Variants in TNS1 observed in about 807,000 individuals in gnomAD.
TNS1 encodes tensin-1.
A neutral mutation model predicts 168.6 loss-of-function variants in TNS1; 62 were observed. The observed-to-expected ratio is 0.37, with a 90% CI of 0.30 to 0.45. The LOEUF is 0.45. Among genes scored for constraint, TNS1 ranks in the 20% least tolerant of loss-of-function variants. TNS1 has a pLI of 1.00. For synonymous variants in TNS1, 934 were observed against 933.2 expected, an observed-to-expected ratio of 1.00 and a Z score of -0.02; for missense variants, 2,240 against 2,339.4, an observed-to-expected ratio of 0.96 and a Z score of 0.88.
At chr2:217,984,816 C>T (rs181875471) in intron 2 of TNS1, among the ~76,000 whole-genome samples, 2 of 150,084 alleles carry the variant, frequency 1.3e-5, no homozygotes, top group East Asian at 3.9e-4. Context: ...AGTGCATTGG[C>T]ATGTTCTCGG....
chr2:217,881,953 A>G (rs1181054220), intron 17 of TNS1: 1 of 168,756 alleles, frequency 5.9e-6, no homozygotes, highest in Non-Finnish European at 1.3e-5. Context: ...CTTCAAGGTT[A>G]TTATTAAACC....
intron 21 of TNS1, among the ~76,000 whole-genome samples, chr2:217,831,838 G>A (rs887604102): frequency 4.7e-4 from 72 of 152,212 alleles, no homozygotes; most frequent in African/African-American, 1.7e-3. Context: ...GCTTCTCGCT[G>A]CAGTCCCTTT....
At chr2:217,927,187 G>A (rs1438528974) in intron 3 of TNS1, among the ~76,000 whole-genome samples, 1 of 152,198 alleles carries the variant, frequency 6.6e-6, no homozygotes, top group African/African-American at 2.4e-5. Flanking sequence ...GTAGAGATGG[G>A]GAAAGGACAT....
chr2:217,973,402 G>A (rs941145944), intron 3 of TNS1, among the ~76,000 whole-genome samples: 3 of 147,972 alleles, frequency 2.0e-5, no homozygotes, highest in Non-Finnish European at 4.5e-5. Context: ...TGGAAGACAA[G>A]TCCTGGGCCA....
intron 22 of TNS1, among the ~76,000 whole-genome samples, chr2:217,829,217 A>C (rs1188085646): frequency 8.0e-5 from 3 of 37,652 alleles, no homozygotes; most frequent in Admixed American, 5.9e-4. Context: ...CTCTACTAAA[A>C]ATACAAAAAA....
intron 1 of TNS1, among the ~76,000 whole-genome samples, chr2:217,992,070 C>T (rs77194051): frequency 6.6e-6 from 1 of 152,026 alleles, no homozygotes; most frequent in Non-Finnish European, 1.5e-5. Context: ...TGGGAACATG[C>T]TCTAAGATGC....
intron 32 of TNS1, among the ~76,000 whole-genome samples, chr2:217,805,710 C>T (rs1411157328): frequency 8.6e-6 from 1 of 116,882 alleles, no homozygotes; most frequent in Non-Finnish European, 1.9e-5. Flanking sequence ...CACATGCATA[C>T]ACCACACACA....
intron 3 of TNS1, among the ~76,000 whole-genome samples, chr2:217,946,081 G>A (rs2125960145): frequency 6.6e-6 from 1 of 152,326 alleles, no homozygotes; most frequent in South Asian, 2.1e-4. Context: ...AAGCTCTGCA[G>A]TGGAACATCC....
intron 18 of TNS1, among the ~76,000 whole-genome samples, chr2:217,855,040 C>T (rs1947960418): frequency 6.6e-6 from 1 of 152,214 alleles, no homozygotes; most frequent in South Asian, 2.1e-4. Context: ...AGCTAAGGCT[C>T]TTAAGCTAGA....
At chr2:217,887,036 A>G (rs954312925) in intron 12 of TNS1, among the ~76,000 whole-genome samples, 3 of 152,078 alleles carry the variant, frequency 2.0e-5, no homozygotes, top group African/African-American at 7.2e-5. Flanking sequence ...CCCAACCACC[A>G]AACAGCTCTG....
intron 18 of TNS1, among the ~76,000 whole-genome samples, chr2:217,874,926 G>A (rs1015769683): frequency 3.9e-5 from 6 of 152,190 alleles, no homozygotes; most frequent in African/African-American, 1.4e-4. Flanking sequence ...TCTGGTTCTA[G>A]GTCCCATAGC....
chr2:217,941,905 A>T (rs1363628248), intron 3 of TNS1, among the ~76,000 whole-genome samples: 1 of 152,098 alleles, frequency 6.6e-6, no homozygotes, highest in African/African-American at 2.4e-5. Context: ...TCCTGCTCCT[A>T]TCTGGGTAGA....
intron 6 of TNS1, chr2:217,905,328 G>T (rs1340257119): frequency 2.3e-6 from 1 of 435,436 alleles, no homozygotes; most frequent in Non-Finnish European, 4.6e-6. Flanking sequence ...AATTTAAGAG[G>T]CATGCTCCCT....
chr2:217,885,621 A>G, intron 15 of TNS1, 123 bp downstream of exon 15: 1 of 969,534 alleles, frequency 1.0e-6, no homozygotes. Context: ...CTGAGAGCCT[A>G]TGGTTCCAAG....
chr2:217,963,107 G>T (rs1375976153), intron 3 of TNS1, among the ~76,000 whole-genome samples: 3 of 152,242 alleles, frequency 2.0e-5, no homozygotes, highest in East Asian at 3.9e-4. Flanking sequence ...CACAGATTAG[G>T]GTCAGATGAG....
chr2:217,880,299 T>C lies in TNS1; in HGVS notation c.1429+599A>G, dbSNP rs969845915. On this transcript the variant is annotated intron_variant, in intron 18 of 32. Coordinates refer to ENST00000682258, the MANE Select transcript of TNS1 (RefSeq NM_001387777.1). This position sits in a 1 kb window ranked among gnomAD's most constrained non-coding sequence, Gnocchi z 4.2. ...GTTTGTAGCTAAATTAAACATGTAT[T>C]AATTTCAATTCTGCTGCTTTCTTTT... Among the ~76,000 whole-genome samples, 1 of 152,258 alleles carries C rather than the reference T, an allele frequency of 6.6e-6. No homozygotes were observed.
intron 18 of TNS1, chr2:217,858,425 G>A: frequency 2.6e-6 from 2 of 775,302 alleles, no homozygotes; most frequent in Non-Finnish European, 3.1e-6. Flanking sequence ...GAGCACCCCA[G>A]CCCAGATCCA....
Position 217,986,759 on chromosome 2 carries a change from A to G in TNS1, c.148+4183T>C, listed in dbSNP as rs112357723. Reference sequence around the variant, plus strand: ...CACACACACACACACACACACACACACACGCACGCACGCACGTACCTGTGT... The same window carrying G: ...CACACACACACACACACACACACACGCACGCACGCACGCACGTACCTGTGT... On this transcript the variant is annotated intron_variant, in intron 2 of 32. Transcript: ENST00000682258. This position sits in a 1 kb window ranked among gnomAD's most constrained non-coding sequence, Gnocchi z 4.7. The G allele has an allele frequency of 0.019, 2,411 of 124,594 alleles. 43 individuals carry two copies. The highest frequency in any genetic ancestry group is 0.068 in the African/African-American group (1,968 of 28,834). 7.7% of individuals were successfully genotyped at this position (124,594 alleles called of 1,614,324 possible). A position where few individuals can be genotyped will look rare whatever the true frequency, so the allele number is the denominator to read the frequency against.
At chr2:217,958,613 A>G (rs1957422402) in intron 3 of TNS1, among the ~76,000 whole-genome samples, 1 of 152,290 alleles carries the variant, frequency 6.6e-6, no homozygotes, top group African/African-American at 2.4e-5. Flanking sequence ...TGTCCATCTT[A>G]CAGACAGGTA....
Sources: allele counts gnomAD v4.1 joint callset (sites outside exome capture counted in the v4.1 genomes callset), GRCh38; gene constraint gnomAD v4.1.1; non-coding constraint Gnocchi (gnomAD v3.1); transcripts MANE v1.5; gene names NCBI Gene and HGNC (gene_info 2026-07-23, HGNC 2026-07-21).